MYO3A: variants seen among roughly 807,000 people sequenced by gnomAD.
MYO3A encodes myosin IIIA, also known as myosin-IIIa.
A neutral mutation model predicts 192.7 loss-of-function variants in MYO3A; 180 were observed. That is an observed-to-expected ratio of 0.93 (90% CI 0.83 to 1.06). The LOEUF (loss-of-function observed/expected upper bound fraction) is 1.06, where lower values mean the gene tolerates loss of function less well. Among genes scored for constraint, MYO3A ranks in the 50% least tolerant of loss-of-function variants. The pLI, the probability that MYO3A is intolerant of heterozygous loss-of-function variation, is 0.00. For synonymous variants in MYO3A, 628 were observed against 645.3 expected (o/e 0.97, Z 0.41); for missense variants, 1,896 against 1,905.0 (o/e 1.00, Z 0.09).
At chr10:25,952,845 T>A (rs1379941129) in intron 3 of MYO3A, among the ~76,000 whole-genome samples, 1 of 150,382 alleles carries the variant, frequency 6.6e-6, no homozygotes, top group Non-Finnish European at 1.5e-5. Flanking sequence ...TAGTCTCTGC[T>A]TACAGGAGGC....
chr10:25,941,994 ACTTT>A (rs1328133587), intron 2 of MYO3A, among the ~76,000 whole-genome samples: 19 of 142,116 alleles, frequency 1.3e-4, no homozygotes, highest in Non-Finnish European at 2.5e-4. Context: ...TTTCTTTCTT[ACTTT>A]CTTTTTTCTT....
At chr10:26,089,055 T>A (rs1298067314) in intron 15 of MYO3A, among the ~76,000 whole-genome samples, 1 of 152,242 alleles carries the variant, frequency 6.6e-6, no homozygotes, top group Non-Finnish European at 1.5e-5. Flanking sequence ...ATTATTTTGC[T>A]TAAAAGCATG....
intron 23 of MYO3A, among the ~76,000 whole-genome samples, chr10:26,148,952 T>C (rs1246406724): frequency 1.3e-5 from 2 of 152,130 alleles, no homozygotes; most frequent in African/African-American, 4.8e-5. Flanking sequence ...TCTTTTCCAA[T>C]ATGTTTCCTT....
At chr10:25,996,033 C>T (rs1343128718) in intron 4 of MYO3A, among the ~76,000 whole-genome samples, 2 of 152,240 alleles carry the variant, frequency 1.3e-5, no homozygotes, top group Non-Finnish European at 2.9e-5. Flanking sequence ...TCAAAGCTGT[C>T]AGACAGGGAC....
In MYO3A at chr10:26,170,257, T is replaced by C. The variant is rs1353998576; in HGVS notation, c.3275-159T>C. Among the ~76,000 whole-genome samples the C allele has an allele frequency of 2.0e-5, 3 of 152,366 alleles. No homozygotes were observed. The East Asian group carries it at 5.8e-4, about 29-fold the overall frequency. On this transcript the variant is annotated intron_variant, in intron 28 of 34. Transcript: ENST00000642920. ...TATAGCTTGCCATGTAGAAGAATCT[T>C]GTTAATGAATCACATTTTTAAGTGA...
At chr10:26,040,534 A>G (rs765397871) in intron 10 of MYO3A, among the ~76,000 whole-genome samples, 6 of 152,160 alleles carry the variant, frequency 3.9e-5, no homozygotes, top group Non-Finnish European at 8.8e-5. Flanking sequence ...ATAGAATGTT[A>G]TCTTTTGTTT....
chr10:26,177,924 A>G (rs969354525), intron 31 of MYO3A, among the ~76,000 whole-genome samples: 2 of 152,248 alleles, frequency 1.3e-5, no homozygotes, highest in Admixed American at 1.3e-4. Flanking sequence ...ATTCTGCCAC[A>G]TCGTTTTCAA....
At chr10:25,999,085 A>G (rs1375955580) in intron 6 of MYO3A, among the ~76,000 whole-genome samples, 1 of 152,048 alleles carries the variant, frequency 6.6e-6, no homozygotes, top group African/African-American at 2.4e-5. Flanking sequence ...TTTTTAATAG[A>G]GACGGGGTTT....
chr10:26,126,450 T>C (rs552198638), intron 19 of MYO3A, among the ~76,000 whole-genome samples: 1 of 152,320 alleles, frequency 6.6e-6, no homozygotes, highest in African/African-American at 2.4e-5. Flanking sequence ...ATACTATGTA[T>C]AGTCAAACTG....
chr10:26,135,189 G>T (rs1280802871), intron 20 of MYO3A, among the ~76,000 whole-genome samples: 4 of 152,034 alleles, frequency 2.6e-5, no homozygotes, highest in Middle Eastern at 3.2e-3. Context: ...TTTTTCTCAT[G>T]AACAAACAAG....
chr10:25,939,386 A>G (rs1453785824), intron 2 of MYO3A, among the ~76,000 whole-genome samples: 2 of 151,462 alleles, frequency 1.3e-5, no homozygotes, highest in African/African-American at 4.8e-5. Context: ...CTCTTTTTCT[A>G]CTGTCATTGG....
chr10:26,083,633 C>T (rs1201205333), intron 14 of MYO3A, among the ~76,000 whole-genome samples: 1 of 152,116 alleles, frequency 6.6e-6, no homozygotes, highest in Admixed American at 6.6e-5. Context: ...GTGAATTTTT[C>T]ATAAATTGCC....
chr10:26,020,894 A>G (rs1842265581), intron 7 of MYO3A, among the ~76,000 whole-genome samples: 1 of 152,204 alleles, frequency 6.6e-6, no homozygotes, highest in South Asian at 2.1e-4. Flanking sequence ...CAGTTTTACA[A>G]TTTAGGGTGG....
intron 10 of MYO3A, among the ~76,000 whole-genome samples, chr10:26,056,603 C>CTTTA (rs1363681174): frequency 6.6e-6 from 1 of 152,132 alleles, no homozygotes; most frequent in Non-Finnish European, 1.5e-5. Flanking sequence ...ATGTAGAGAG[C>CTTTA]TTTAGTGTTG....
At chr10:26,208,216 G>A (rs11014998) in intron 34 of MYO3A, among the ~76,000 whole-genome samples, 59,780 of 151,950 alleles carry the variant, frequency 0.39, 14,810 homozygotes, top group African/African-American at 0.71. Flanking sequence ...TCTGTTGGGC[G>A]GTGGTGAGAG....
chr10:26,077,233 G>GTTTTTCTTTTTT (rs1835634040), intron 14 of MYO3A, among the ~76,000 whole-genome samples: 1 of 36,284 alleles, frequency 2.8e-5, no homozygotes. Context: ...TATTCCTAAG[G>GTTTTTCTTTTTT]TTTTTTTTTT....
At chr10:26,193,988 G>A (rs1843279615) in intron 32 of MYO3A, among the ~76,000 whole-genome samples, 1 of 152,056 alleles carries the variant, frequency 6.6e-6, no homozygotes, top group Admixed American at 6.5e-5. Context: ...CATCCACATG[G>A]TCTCATAAAC....
chr10:25,970,054 T>C (rs906123807), intron 4 of MYO3A, among the ~76,000 whole-genome samples: 3 of 152,098 alleles, frequency 2.0e-5, no homozygotes, highest in Non-Finnish European at 4.4e-5. Flanking sequence ...TTTAAAATTA[T>C]ATGTGTCAAA....
chr10:26,173,582 A>G lies in MYO3A; in HGVS notation c.3399-81A>G, dbSNP rs563359554. 2.2e-5 allele frequency: 28 copies of G among 1,302,248 alleles called. No homozygotes were observed. In the South Asian group the frequency reaches 3.1e-4, roughly 15 times the overall value. The allele number at this position is 1,302,248 out of a possible 1,614,324, so 80.7% of individuals were successfully genotyped here. A position where few individuals can be genotyped will look rare whatever the true frequency, so the allele number is the denominator to read the frequency against. ...TTCCTTTTGCCTTTCTCCCACCGGT[A>G]TCTAGCATATAACTATTGCCAATAG... On this transcript the variant is annotated intron_variant, in intron 29 of 34. Coordinates refer to ENST00000642920, the MANE Select transcript of MYO3A (RefSeq NM_017433.5).
Sources: allele counts gnomAD v4.1 joint callset (sites outside exome capture counted in the v4.1 genomes callset), GRCh38; gene constraint gnomAD v4.1.1; transcripts MANE v1.5; gene names NCBI Gene and HGNC (gene_info 2026-07-23, HGNC 2026-07-21).